DACH1: variants seen among roughly 807,000 people sequenced by gnomAD.
DACH1 encodes the protein dachshund homolog 1.
DACH1 carries 12 observed loss-of-function variants against 54.2 expected under a neutral mutation model. That is an observed-to-expected ratio of 0.22 (90% CI 0.14 to 0.36). The LOEUF (loss-of-function observed/expected upper bound fraction) is 0.36. DACH1 is among the 10% of genes least tolerant of loss of function. The probability of loss-of-function intolerance (pLI) is 1.00; values close to 1 mark genes in which losing one functional copy is unlikely to be tolerated. For synonymous variants in DACH1, 386 were observed against 366.2 expected, an observed-to-expected ratio of 1.05 and a Z score of -0.62; for missense variants, 805 against 929.8, an observed-to-expected ratio of 0.87 and a Z score of 1.75.
At chr13:71,844,094 C>T (rs1447439725) in intron 1 of DACH1, among the ~76,000 whole-genome samples, 1 of 152,116 alleles carries the variant, frequency 6.6e-6, no homozygotes, top group Non-Finnish European at 1.5e-5. Flanking sequence ...GGCCCCTCAC[C>T]TGAATCTTAG....
intron 1 of DACH1, among the ~76,000 whole-genome samples, chr13:71,730,350 A>G (rs570357314): frequency 1.3e-5 from 2 of 152,294 alleles, no homozygotes; most frequent in African/African-American, 2.4e-5. Flanking sequence ...TATTTAAACT[A>G]TTTACACATT....
chr13:71,832,703 A>G (rs1326052833), intron 1 of DACH1, among the ~76,000 whole-genome samples: 1 of 151,958 alleles, frequency 6.6e-6, no homozygotes, highest in Non-Finnish European at 1.5e-5. Flanking sequence ...GCTTCTCAAA[A>G]TAAGACATCT....
At chr13:71,826,738 T>C (rs1251860608) in intron 1 of DACH1, among the ~76,000 whole-genome samples, 3 of 152,144 alleles carry the variant, frequency 2.0e-5, no homozygotes, top group South Asian at 2.1e-4. Flanking sequence ...TCTTTATATA[T>C]GTATATTCCG....
Position 71,553,878 on chromosome 13 carries a change from A to T in DACH1, c.1570+3146T>A, listed in dbSNP as rs1209286538. Among the ~76,000 whole-genome samples, 3 of 151,910 alleles carry T rather than the reference A, an allele frequency of 2.0e-5. No homozygotes were observed. In the East Asian group the frequency reaches 5.8e-4, roughly 29 times the overall value. On this transcript the variant is annotated intron_variant, in intron 6 of 10. Coordinates refer to ENST00000613252, the MANE Select transcript of DACH1 (RefSeq NM_080759.6). ...AATGTTTAAGTTACTGATGCTTAAG[A>T]TTTCAGACCACAGTGATTCTCAGAA... is the stretch of plus-strand genomic sequence containing the variant.
intron 6 of DACH1, among the ~76,000 whole-genome samples, chr13:71,529,183 G>GTTTTTTTTTTTTT: frequency 1.2e-5 from 1 of 80,980 alleles, no homozygotes; most frequent in African/African-American, 4.4e-5. Flanking sequence ...TGTGATTTGG[G>GTTTTTTTTTTTTT]TTTTTTTTTT....
chr13:71,471,838 G>A (rs753098493), intron 10 of DACH1, among the ~76,000 whole-genome samples: 5 of 152,048 alleles, frequency 3.3e-5, no homozygotes, highest in East Asian at 1.9e-4. Flanking sequence ...ATAAGATGAC[G>A]ACTTAGCTGA....
At chr13:71,535,589 C>A (rs140943421) in intron 6 of DACH1, among the ~76,000 whole-genome samples, 8 of 151,942 alleles carry the variant, frequency 5.3e-5, no homozygotes, top group East Asian at 1.9e-4. Context: ...TAAAGTCAGG[C>A]GCATTTTTTT....
rs748261664 is a variant in DACH1, at chr13:71,615,968, TATTTCAA to T, written c.1126+14581_1126+14587del. On this transcript the variant is annotated intron_variant, in intron 3 of 10. Coordinates refer to ENST00000613252, the MANE Select transcript of DACH1 (RefSeq NM_080759.6). ...ATAATCCCCAAAGAGCCCTATGTAA[TATTTCAA>T]ATTGTTATACCTATTATACAGATGA... Among the ~76,000 whole-genome samples, 64 of 152,280 alleles carry T rather than the reference TATTTCAA, an allele frequency of 4.2e-4. 2 individuals are homozygous for T. Among genetic ancestry groups the T allele is most frequent in the Admixed American group, 1.6e-3 (25 of 15,284 alleles).
chr13:71,858,427 C>G (rs901289340), intron 1 of DACH1, among the ~76,000 whole-genome samples: 4 of 151,696 alleles, frequency 2.6e-5, no homozygotes, highest in African/African-American at 7.2e-5. Flanking sequence ...AACCAATGTA[C>G]TATGTGGCCT....
chr13:71,864,755 C>A (rs2138302630), intron 1 of DACH1, among the ~76,000 whole-genome samples: 1 of 149,466 alleles, frequency 6.7e-6, no homozygotes, highest in Non-Finnish European at 1.5e-5. Context: ...CCCGCCCCCT[C>A]TTGGTAGATC....
intron 1 of DACH1, among the ~76,000 whole-genome samples, chr13:71,708,359 C>A (rs967699167): frequency 6.6e-6 from 1 of 152,040 alleles, no homozygotes; most frequent in African/African-American, 2.4e-5. Context: ...AGGAATATGA[C>A]CATATTAACT....
intron 1 of DACH1, among the ~76,000 whole-genome samples, chr13:71,748,041 A>G (rs1381429249): frequency 2.0e-5 from 3 of 152,174 alleles, no homozygotes; most frequent in Non-Finnish European, 2.9e-5. Context: ...TTCCAACTAT[A>G]AAAAGATTAA....
intron 6 of DACH1, among the ~76,000 whole-genome samples, chr13:71,519,492 A>G (rs1649818750): frequency 6.6e-6 from 1 of 151,594 alleles, no homozygotes. Context: ...GTTTCCTACC[A>G]TTTTTCCAAA....
chr13:71,449,466 G>T (rs1874808152), intron 10 of DACH1, among the ~76,000 whole-genome samples: 1 of 152,052 alleles, frequency 6.6e-6, no homozygotes, highest in African/African-American at 2.4e-5. Context: ...ATAAGTGGGA[G>T]TTGAACAATG....
chr13:71,551,026 C>G (rs899050559), intron 6 of DACH1, among the ~76,000 whole-genome samples: 6 of 151,908 alleles, frequency 3.9e-5, no homozygotes, highest in Non-Finnish European at 8.8e-5. Flanking sequence ...AGAAAAAAGG[C>G]TTTTAGTCTA....
intron 1 of DACH1, among the ~76,000 whole-genome samples, chr13:71,723,176 AG>A (rs1319599667): frequency 6.6e-6 from 1 of 151,812 alleles, no homozygotes; most frequent in Non-Finnish European, 1.5e-5. Context: ...TTGAGGCAAA[AG>A]GATCGCTTGA....
chr13:71,730,877 A>G (rs1182790535), intron 1 of DACH1, among the ~76,000 whole-genome samples: 1 of 152,066 alleles, frequency 6.6e-6, no homozygotes, highest in African/African-American at 2.4e-5. Flanking sequence ...AAGCAATTCT[A>G]AGGGCTACAT....
chr13:71,665,317 T>C (rs1029906354), intron 2 of DACH1, among the ~76,000 whole-genome samples: 26 of 151,996 alleles, frequency 1.7e-4, no homozygotes, highest in Admixed American at 7.2e-4. Context: ...TGAATTAAGC[T>C]TGGTCAATAA....
intron 1 of DACH1, among the ~76,000 whole-genome samples, chr13:71,682,165 C>T (rs1880941536): frequency 6.6e-6 from 1 of 152,178 alleles, no homozygotes; most frequent in Admixed American, 6.5e-5. Context: ...AATATCTATA[C>T]ACAGTTTGAA....
Sources: gnomAD v4.1 joint callset for allele counts (sites outside exome capture counted in the v4.1 genomes callset) on GRCh38, gnomAD v4.1.1 for gene constraint, MANE v1.5 for transcripts, NCBI Gene and HGNC (gene_info 2026-07-23, HGNC 2026-07-21) for gene names.